MGAT4C: variants seen among roughly 807,000 people sequenced by gnomAD.
MGAT4C encodes the protein MGAT4 family member C.
Under a neutral mutation model 40.1 loss-of-function variants are expected in MGAT4C, and 19 were observed. The ratio of observed to expected loss-of-function variants is 0.47; its 90% CI spans 0.33 to 0.70. MGAT4C has a LOEUF of 0.70. Ranked by LOEUF, MGAT4C falls within the 30% of genes least tolerant of loss-of-function variation. The probability of loss-of-function intolerance (pLI) is 0.02; values close to 1 mark genes in which losing one functional copy is unlikely to be tolerated. For missense variants in MGAT4C, 491 were observed against 563.2 expected, an observed-to-expected ratio of 0.87 and a Z score of 1.30; for synonymous variants, 181 against 187.1, an observed-to-expected ratio of 0.97 and a Z score of 0.27.
intron 2 of MGAT4C, among the ~76,000 whole-genome samples, chr12:86,038,254 G>A (rs938947007): frequency 6.7e-6 from 1 of 149,764 alleles, no homozygotes; most frequent in African/African-American, 2.4e-5. Flanking sequence ...GAAGCAAGGA[G>A]CCAGCAAGTC....
At chr12:86,632,716 T>C (rs138354852) in intron 2 of MGAT4C, among the ~76,000 whole-genome samples, 45 of 149,496 alleles carry the variant, frequency 3.0e-4, no homozygotes, top group Non-Finnish European at 5.2e-4. Context: ...ATGAGAACAG[T>C]TGGACACAGG....
At position 86,496,499 on chromosome 12, in the gene MGAT4C, T is replaced by C. The variant is rs1191249751; in HGVS notation, c.-228-61234A>G. ...AAGGTACATTATACAGAGTCATGAA[T>C]GTCAATACCTAAAATTATGTGGTAA... is the stretch of plus-strand genomic sequence containing the variant. On this transcript the variant is annotated intron_variant, in intron 2 of 7. Transcript: ENST00000548651. 3.3e-5 allele frequency among the ~76,000 whole-genome samples: 5 copies of C among 152,064 alleles called. 1 individual carries two copies. In the East Asian group the frequency reaches 9.6e-4, roughly 29 times the overall value.
chr12:86,809,869 A>G (rs1034313287), intron 1 of MGAT4C, among the ~76,000 whole-genome samples: 2 of 152,052 alleles, frequency 1.3e-5, no homozygotes, highest in African/African-American at 4.8e-5. Context: ...TTCTATTTAA[A>G]TTATGGAATA....
At chr12:86,447,389 TATC>T (rs1158882129) in intron 2 of MGAT4C, among the ~76,000 whole-genome samples, 3 of 152,154 alleles carry the variant, frequency 2.0e-5, no homozygotes, top group African/African-American at 4.8e-5. Context: ...CCTCCCAAAG[TATC>T]ATTCTGTTTT....
rs569420191 is a variant in MGAT4C, at chr12:86,112,268, T to C, written c.-56-62545A>G. Among the ~76,000 whole-genome samples, 4 of 151,890 alleles carry C rather than the reference T, an allele frequency of 2.6e-5. No homozygotes were observed. In the South Asian group the frequency reaches 8.3e-4, roughly 31 times the overall value. ...CATTTCAATATCCCCTAAATGGTGC[T>C]ATGTAATCTCGCCTCTCTCTTCCTC... On this transcript the variant is annotated intron_variant, in intron 1 of 4. Coordinates refer to ENST00000611864, the MANE Select transcript of MGAT4C (RefSeq NM_001351288.2).
intron 1 of MGAT4C, among the ~76,000 whole-genome samples, chr12:86,144,246 T>A (rs1883222448): frequency 6.6e-6 from 1 of 152,230 alleles, no homozygotes; most frequent in East Asian, 1.9e-4. Flanking sequence ...TCAGCTTTAA[T>A]ATGCAGTCAC....
chr12:86,395,431 C>G (rs1226152002), intron 3 of MGAT4C, among the ~76,000 whole-genome samples: 1 of 152,034 alleles, frequency 6.6e-6, no homozygotes, highest in Non-Finnish European at 1.5e-5. Context: ...TTAAATTATG[C>G]TTTTAAAAAA....
At chr12:86,028,327 G>A (rs1290335792) in intron 2 of MGAT4C, 6 of 406,838 alleles carry the variant, frequency 1.5e-5, no homozygotes, top group Non-Finnish European at 2.7e-5. Flanking sequence ...CATACGTTGA[G>A]CTCCTCATCA....
At chr12:86,703,087 A>T (rs1277574040) in intron 2 of MGAT4C, among the ~76,000 whole-genome samples, 1 of 152,110 alleles carries the variant, frequency 6.6e-6, no homozygotes, top group African/African-American at 2.4e-5. Flanking sequence ...AAAAATGGCA[A>T]GGGAACTAGA....
intron 2 of MGAT4C, among the ~76,000 whole-genome samples, chr12:86,552,163 GAC>G (rs1224936392): frequency 1.3e-5 from 2 of 151,618 alleles, no homozygotes; most frequent in Admixed American, 6.6e-5. Flanking sequence ...CACTCACTGA[GAC>G]ACAGAAAAAT....
intron 1 of MGAT4C, among the ~76,000 whole-genome samples, chr12:86,787,453 A>G (rs1951950766): frequency 6.6e-6 from 1 of 152,110 alleles, no homozygotes; most frequent in Non-Finnish European, 1.5e-5. Flanking sequence ...GATATTTTTT[A>G]TATGATAATT....
At chr12:86,671,769 A>G (rs1009801957) in intron 2 of MGAT4C, among the ~76,000 whole-genome samples, 2 of 152,146 alleles carry the variant, frequency 1.3e-5, no homozygotes, top group Non-Finnish European at 2.9e-5. Flanking sequence ...GTAAATGTAT[A>G]TGCACTCAAA....
chr12:86,152,659 A>C (rs1281217020), intron 1 of MGAT4C, among the ~76,000 whole-genome samples: 1 of 152,212 alleles, frequency 6.6e-6, no homozygotes, highest in African/African-American at 2.4e-5. Context: ...AGAGAAATCT[A>C]TCTTTTATTC....
intron 1 of MGAT4C, among the ~76,000 whole-genome samples, chr12:86,799,164 C>T (rs1013877198): frequency 6.6e-6 from 1 of 151,716 alleles, no homozygotes; most frequent in Non-Finnish European, 1.5e-5. Context: ...CCAACATTTT[C>T]TTACCTTCTT....
intron 1 of MGAT4C, among the ~76,000 whole-genome samples, chr12:86,756,191 T>C (rs1195189613): frequency 6.6e-6 from 1 of 152,094 alleles, no homozygotes; most frequent in Non-Finnish European, 1.5e-5. Flanking sequence ...CAAAGTGTTC[T>C]TGTTGAAGCT....
At chr12:86,077,892 T>C (rs1870073219) in intron 1 of MGAT4C, among the ~76,000 whole-genome samples, 1 of 152,202 alleles carries the variant, frequency 6.6e-6, no homozygotes, top group African/African-American at 2.4e-5. Context: ...GTATCTTTCA[T>C]CTTAGCCTGT....
intron 2 of MGAT4C, among the ~76,000 whole-genome samples, chr12:86,666,387 C>T (rs1440216303): frequency 6.6e-6 from 1 of 151,902 alleles, no homozygotes; most frequent in Non-Finnish European, 1.5e-5. Flanking sequence ...CTCCATTCAG[C>T]CTTAAAATAT....
chr12:86,093,143 G>A (rs990823072), intron 1 of MGAT4C, among the ~76,000 whole-genome samples: 2 of 152,086 alleles, frequency 1.3e-5, no homozygotes, highest in East Asian at 3.9e-4. Context: ...AGAAAGAAAT[G>A]AATATGTCCT....
intron 1 of MGAT4C, among the ~76,000 whole-genome samples, chr12:86,226,846 A>G (rs1951102762): frequency 6.6e-6 from 1 of 151,954 alleles, no homozygotes; most frequent in African/African-American, 2.4e-5. Context: ...ATAGTATTAT[A>G]TAATGTTTCT....
Sources: gnomAD v4.1 joint callset for allele counts (sites outside exome capture counted in the v4.1 genomes callset) on GRCh38, gnomAD v4.1.1 for gene constraint, MANE v1.5 for transcripts, NCBI Gene and HGNC (gene_info 2026-07-23, HGNC 2026-07-21) for gene names.